Variants in FAM217A observed in about 807,000 individuals in gnomAD.
The protein encoded by FAM217A is protein FAM217A.
A neutral mutation model predicts 18.5 loss-of-function variants in FAM217A; 13 were observed. That is an observed-to-expected ratio of 0.70 (90% CI 0.46 to 1.12). The LOEUF is 1.12. FAM217A is among the 50% of genes most tolerant of loss of function. FAM217A has a pLI of 0.00. For missense variants in FAM217A, 560 were observed against 575.4 expected, an observed-to-expected ratio of 0.97 and a Z score of 0.27; for synonymous variants, 161 against 202.8, an observed-to-expected ratio of 0.79 and a Z score of 1.75.
At position 4,069,309 on chromosome 6, in the gene FAM217A, C is replaced by T. The variant is rs1004541151; in HGVS notation, c.914G>A (p.Arg305Lys). ...ACAGAAAGTCGTTTGTAGTCTTGGC[C>T]TCTCTTTTTGAATAGTCATATGTTG... ...RLQHMTIQKE[R>K]PRLQTTFCTP... is the part of the protein sequence containing the mutation. Residue 305 changes from arginine to lysine, a missense_variant, in exon 7 of 7, where the codon AGG becomes AAG. By Grantham distance (26) the Arg-to-Lys change is conservative (BLOSUM62 2). Coordinates refer to ENST00000274673, the MANE Select transcript of FAM217A (RefSeq NM_173563.3). 9.3e-6 allele frequency: 15 copies of T among 1,614,048 alleles called. No individual in the cohort carries two copies. Among genetic ancestry groups the T allele is most frequent in the African/African-American group, 4.0e-5 (3 of 74,916 alleles).
chr6:4,084,749 A>G (rs1397823341), exon 2 of FAM217A: 1 of 702,848 alleles, frequency 1.4e-6, no homozygotes, highest in African/African-American at 1.7e-5. Flanking sequence ...AAGCCAGCTG[A>G]TCTTGTCACA....
chr6:4,077,817 T>C (rs1296548471), intron 1 of FAM217A, among the ~76,000 whole-genome samples: 1 of 152,136 alleles, frequency 6.6e-6, no homozygotes, highest in Non-Finnish European at 1.5e-5. Flanking sequence ...TTCAAAACAA[T>C]TGCTCCATTT....
chr6:4,075,296 T>C (rs2113869934), intron 2 of FAM217A, among the ~76,000 whole-genome samples: 1 of 152,258 alleles, frequency 6.6e-6, no homozygotes, highest in African/African-American at 2.4e-5. Flanking sequence ...ATCACACCAC[T>C]GCACTCCAGC....
chr6:4,086,100 CAAAA>C (rs1242302022), intron 1 of FAM217A, among the ~76,000 whole-genome samples: 2 of 145,670 alleles, frequency 1.4e-5, no homozygotes, highest in Admixed American at 1.4e-4. Flanking sequence ...AATTCTGTCT[CAAAA>C]AGAAAGAAAA....
At chr6:4,070,112 A>T (rs963494160) in intron 6 of FAM217A, among the ~76,000 whole-genome samples, 192 bp from the exon 7 acceptor site, 2 of 152,234 alleles carry the variant, frequency 1.3e-5, no homozygotes, top group African/African-American at 4.8e-5. Context: ...CATAAATTTT[A>T]AAAATATAGA....
upstream of FAM217A, among the ~76,000 whole-genome samples, chr6:4,081,980 C>A (rs1263345465): frequency 6.6e-6 from 1 of 151,686 alleles, no homozygotes; most frequent in South Asian, 2.1e-4. Flanking sequence ...CTCTAAGATT[C>A]TTTTTTTTTC....
chr6:4,077,331 C>G, intron 2 of FAM217A, 24 bp downstream of exon 2: 2 of 1,613,740 alleles, frequency 1.2e-6, no homozygotes, highest in South Asian at 2.2e-5. Context: ...CCCAAACACT[C>G]AAGTTCAACA....
Position 4,078,852 on chromosome 6 carries a change from C to T in FAM217A, c.-35G>A, listed in dbSNP as rs1434142582. ...CCCGGGGCCGGGGCTCTCAACCCAC[C>T]GCGCGAAGGCCCACGTGTCCTCCCC... On this transcript the variant is annotated splice_region_variant and 5_prime_UTR_variant, in exon 1 of 7. Coordinates refer to ENST00000274673, the MANE Select transcript of FAM217A (RefSeq NM_173563.3). 1.5e-5 allele frequency: 7 copies of T among 466,668 alleles called. No homozygotes were observed. Among genetic ancestry groups the T allele is most frequent in the Non-Finnish European group, 2.7e-5 (7 of 261,392 alleles). The allele number at this position is 466,668 out of a possible 1,614,324, so 28.9% of individuals were successfully genotyped here.
intron 6 of FAM217A, 82 bp from the exon 7 acceptor site, chr6:4,070,002 A>G: frequency 9.7e-7 from 1 of 1,029,740 alleles, no homozygotes; most frequent in Non-Finnish European, 1.4e-6. Context: ...AGTACCCTTT[A>G]TCAAAGATTG....
At chr6:4,072,785 A>G (rs949271031) in intron 6 of FAM217A, among the ~76,000 whole-genome samples, 3 of 151,880 alleles carry the variant, frequency 2.0e-5, no homozygotes, top group African/African-American at 4.8e-5. Context: ...ACCTCAGGTA[A>G]GGTCTGAGAG....
intron 1 of FAM217A, 148 bp from the exon 2 acceptor site, chr6:4,077,596 A>G (rs1414057083): frequency 1.9e-5 from 13 of 669,124 alleles, no homozygotes; most frequent in Middle Eastern, 3.3e-4. Flanking sequence ...TGGGGGTGAC[A>G]GTACGAAACC....
Position 4,074,344 on chromosome 6 carries a change from T to A in FAM217A, c.159+99A>T, listed in dbSNP as rs536871844. ...GTGAAGAACTCTACAGAAATGAAATTTAAAGTTTAACTTTCAGGAAGAAAA... is the reference window on the plus strand; with the variant it reads ...GTGAAGAACTCTACAGAAATGAAATATAAAGTTTAACTTTCAGGAAGAAAA... On this transcript the variant is annotated intron_variant, in intron 4 of 6. Transcript: ENST00000274673. 9.1e-5 allele frequency: 90 copies of A among 985,466 alleles called. No individual in the cohort carries two copies. The African/African-American group carries it at 1.5e-3, about 16-fold the overall frequency. 61.0% of individuals were successfully genotyped at this position (985,466 alleles called of 1,614,324 possible). A position where few individuals can be genotyped will look rare whatever the true frequency, so the allele number is the denominator to read the frequency against.
At position 4,074,532 on chromosome 6, in the gene FAM217A, T is replaced by A. The variant is rs1015695168; in HGVS notation, c.145+45A>T. The A allele has an allele frequency of 7.6e-6, 12 of 1,576,238 alleles. No homozygotes were observed. In the African/African-American group the frequency reaches 1.6e-4, roughly 21 times the overall value. The stretch of plus-strand genomic sequence containing the variant: ...ATTCAAAACAAACCCCCTTTTAATA[T>A]GAGTGATTCTTTCAGTATAAGTATA... On this transcript the variant is annotated intron_variant, in intron 3 of 6. Coordinates refer to ENST00000274673, the MANE Select transcript of FAM217A (RefSeq NM_173563.3).
chr6:4,072,426 C>G (rs1769489347), intron 6 of FAM217A, among the ~76,000 whole-genome samples: 1 of 142,200 alleles, frequency 7.0e-6, no homozygotes. Context: ...AACAAACCTG[C>G]AAGTTCTGCA....
chr6:4,084,648 G>A lies in FAM217A; in HGVS notation c.181C>T (p.Gln61Ter), dbSNP rs1770524012. The change falls in exon 2 of 9, where the codon CAA becomes TAA. Residue 61 changes from glutamine to a stop codon, truncating the protein, a stop_gained. Transcript: ENST00000639338. LOFTEE classifies it high-confidence loss of function. ...TCAGACCCCTCCCACCTCATTTGTTGTGAACAGAACACTTTCTTTAGAATG... is the reference window on the plus strand; with the variant it reads ...TCAGACCCCTCCCACCTCATTTGTTATGAACAGAACACTTTCTTTAGAATG... 1.4e-6 allele frequency: 1 copy of A among 702,962 alleles called. No homozygotes were observed. 43.5% of individuals were successfully genotyped at this position (702,962 alleles called of 1,614,324 possible). A position where few individuals can be genotyped will look rare whatever the true frequency, so the allele number is the denominator to read the frequency against.
upstream of FAM217A, among the ~76,000 whole-genome samples, chr6:4,081,821 C>A (rs1002315455): frequency 6.6e-6 from 1 of 152,196 alleles, no homozygotes; most frequent in East Asian, 1.9e-4. Flanking sequence ...CACATGCACA[C>A]GTGTGTGTAA....
rs1399338718 is a variant in FAM217A at position 4,074,671 on chromosome 6, T to C, written c.61-10A>G. 3 of 1,564,642 alleles carry C rather than the reference T, an allele frequency of 1.9e-6. No homozygotes were observed. Among genetic ancestry groups the C allele is most frequent in the Non-Finnish European group, 2.6e-6 (3 of 1,136,538 alleles). ...TCCAGTGAGATAAGTTCTAAAACAATATTTGTTTTAGGATAAACTTAACAT... is the reference window on the plus strand; with the variant it reads ...TCCAGTGAGATAAGTTCTAAAACAACATTTGTTTTAGGATAAACTTAACAT... On this transcript the variant is annotated splice_polypyrimidine_tract_variant and intron_variant, in intron 2 of 6. Coordinates refer to ENST00000274673, the MANE Select transcript of FAM217A (RefSeq NM_173563.3).
chr6:4,068,517 G>T lies in FAM217A; in HGVS notation c.*179C>A. ...AATATGTCAGTATAGAAGCCTGTGG[G>T]TTTATATATAGACATCTCAGCAGTG... On this transcript the variant is annotated 3_prime_UTR_variant, in exon 7 of 7. Coordinates refer to ENST00000274673, the MANE Select transcript of FAM217A (RefSeq NM_173563.3). 3 of 573,720 alleles carry T rather than the reference G, an allele frequency of 5.2e-6. No individual in the cohort carries two copies. The highest frequency in any genetic ancestry group is 8.7e-6 in the Non-Finnish European group (3 of 344,064). 35.5% of individuals were successfully genotyped at this position (573,720 alleles called of 1,614,324 possible).
At chr6:4,081,098 C>T (rs1048577163), upstream of FAM217A, among the ~76,000 whole-genome samples, 1 of 152,142 alleles carries the variant, frequency 6.6e-6, no homozygotes, top group Admixed American at 6.5e-5. Flanking sequence ...GAGTGCCTGG[C>T]ATGTACTGTA....
Sources: allele counts gnomAD v4.1 joint callset (sites outside exome capture counted in the v4.1 genomes callset), GRCh38; gene constraint gnomAD v4.1.1; transcripts MANE v1.5; gene names NCBI Gene and HGNC (gene_info 2026-07-23, HGNC 2026-07-21).